ARHGAP15: variants seen among roughly 807,000 people sequenced by gnomAD.
ARHGAP15 encodes the protein rho GTPase-activating protein 15.
ARHGAP15 carries 51 observed loss-of-function variants against 63.7 expected under a neutral mutation model. The ratio of observed to expected loss-of-function variants is 0.80; its 90% CI spans 0.64 to 1.01. The LOEUF is 1.01. Among genes scored for constraint, ARHGAP15 ranks in the 50% least tolerant of loss-of-function variants. The probability of loss-of-function intolerance (pLI) is 0.00; values close to 1 mark genes in which losing one functional copy is unlikely to be tolerated. For missense variants in ARHGAP15, 560 were observed against 564.6 expected, an observed-to-expected ratio of 0.99 and a Z score of 0.08; for synonymous variants, 191 against 193.8, an observed-to-expected ratio of 0.99 and a Z score of 0.12.
intron 12 of ARHGAP15, among the ~76,000 whole-genome samples, chr2:143,675,727 G>A (rs1414839026): frequency 1.3e-5 from 2 of 152,160 alleles, no homozygotes; most frequent in African/African-American, 4.8e-5. Context: ...TCCAGGCTTT[G>A]TTGTTGAATT....
At chr2:143,671,979 T>C (rs1225670532) in intron 12 of ARHGAP15, among the ~76,000 whole-genome samples, 1 of 152,172 alleles carries the variant, frequency 6.6e-6, no homozygotes, top group Non-Finnish European at 1.5e-5. Context: ...TAATAGGAAC[T>C]TTACAGAAGG....
chr2:143,241,977 A>G (rs1693879842), intron 5 of ARHGAP15, among the ~76,000 whole-genome samples: 1 of 152,144 alleles, frequency 6.6e-6, no homozygotes, highest in Non-Finnish European at 1.5e-5. Context: ...CTGTGGGAGG[A>G]AGGGAGCAGA....
intron 11 of ARHGAP15, among the ~76,000 whole-genome samples, chr2:143,617,553 G>A (rs1285722810): frequency 2.0e-5 from 3 of 152,096 alleles, no homozygotes; most frequent in Non-Finnish European, 2.9e-5. Context: ...CATACATATT[G>A]GATGGGGACC....
chr2:143,271,962 C>T (rs947479532), intron 6 of ARHGAP15, among the ~76,000 whole-genome samples: 1 of 152,158 alleles, frequency 6.6e-6, no homozygotes, highest in Non-Finnish European at 1.5e-5. Context: ...GAATTTCAAA[C>T]AGTTTGTAGT....
chr2:143,492,215 G>T (rs539251435), intron 9 of ARHGAP15, among the ~76,000 whole-genome samples: 86 of 152,178 alleles, frequency 5.7e-4, no homozygotes, highest in Non-Finnish European at 1.1e-3. Flanking sequence ...GATACTTACA[G>T]TCAAATACAG....
intron 6 of ARHGAP15, among the ~76,000 whole-genome samples, chr2:143,310,966 G>A (rs1045283713): frequency 4.6e-5 from 7 of 151,942 alleles, no homozygotes; most frequent in African/African-American, 7.2e-5. Context: ...TCATGTTTAG[G>A]AAAACCTACA....
chr2:143,764,429 C>T, intron 13 of ARHGAP15, among the ~76,000 whole-genome samples: 1 of 152,138 alleles, frequency 6.6e-6, no homozygotes, highest in East Asian at 1.9e-4. Context: ...CCCTTTCAAA[C>T]TTCCTTGGTT....
At chr2:143,258,858 G>A (rs13004181) in intron 6 of ARHGAP15, among the ~76,000 whole-genome samples, 2 of 151,968 alleles carry the variant, frequency 1.3e-5, no homozygotes, top group Non-Finnish European at 1.5e-5. Flanking sequence ...TTGCATTTCC[G>A]GCACTGGGAG....
At chr2:143,399,545 G>A (rs1211939201) in intron 6 of ARHGAP15, among the ~76,000 whole-genome samples, 1 of 151,948 alleles carries the variant, frequency 6.6e-6, no homozygotes, top group Admixed American at 6.6e-5. Flanking sequence ...TTGGAAAAGG[G>A]CCTTGTAATG....
intron 6 of ARHGAP15, among the ~76,000 whole-genome samples, chr2:143,430,776 C>CAT (rs1689350650): frequency 6.6e-6 from 1 of 151,958 alleles, no homozygotes; most frequent in South Asian, 2.1e-4. Flanking sequence ...TCTCTCTAAA[C>CAT]ATAATAGCAA....
chr2:143,677,621 T>G (rs1682890860), intron 12 of ARHGAP15, among the ~76,000 whole-genome samples: 1 of 152,178 alleles, frequency 6.6e-6, no homozygotes, highest in African/African-American at 2.4e-5. Flanking sequence ...TTTAAATATT[T>G]GATGGATTTG....
chr2:143,709,952 C>T (rs992948446), intron 13 of ARHGAP15, among the ~76,000 whole-genome samples: 2 of 152,192 alleles, frequency 1.3e-5, no homozygotes, highest in East Asian at 1.9e-4. Context: ...TCTCTGCCTC[C>T]CATCCAGGCC....
intron 11 of ARHGAP15, among the ~76,000 whole-genome samples, chr2:143,572,792 C>T (rs1033080452): frequency 2.0e-5 from 3 of 152,162 alleles, no homozygotes; most frequent in Non-Finnish European, 4.4e-5. Flanking sequence ...GACCACTACT[C>T]TCACTGCTAA....
intron 12 of ARHGAP15, among the ~76,000 whole-genome samples, chr2:143,674,335 C>T (rs992278472): frequency 1.3e-5 from 2 of 151,996 alleles, no homozygotes; most frequent in African/African-American, 2.4e-5. Context: ...ATGGATGAAT[C>T]GTTAAAATTT....
chr2:143,575,679 C>T (rs1468136139), intron 11 of ARHGAP15, among the ~76,000 whole-genome samples: 2 of 152,104 alleles, frequency 1.3e-5, no homozygotes, highest in African/African-American at 4.8e-5. Flanking sequence ...CTTAGCGACA[C>T]ATTTTGTGCA....
chr2:143,411,798 T>C (rs1450983635), intron 6 of ARHGAP15, among the ~76,000 whole-genome samples: 35 of 152,174 alleles, frequency 2.3e-4, no homozygotes, highest in Non-Finnish European at 5.9e-5. Context: ...AAATCTATTA[T>C]AAGAAAAATC....
At chr2:143,224,259 C>T (rs1037856674) in intron 4 of ARHGAP15, among the ~76,000 whole-genome samples, 4 of 151,968 alleles carry the variant, frequency 2.6e-5, no homozygotes, top group African/African-American at 9.7e-5. Context: ...CTAAGAATAC[C>T]TTAATAACTA....
intron 5 of ARHGAP15, among the ~76,000 whole-genome samples, chr2:143,242,510 G>T (rs938649654): frequency 2.0e-5 from 3 of 152,200 alleles, no homozygotes; most frequent in African/African-American, 7.2e-5. Flanking sequence ...TACAATAGGT[G>T]CTCATTTCTT....
intron 11 of ARHGAP15, among the ~76,000 whole-genome samples, chr2:143,588,909 A>G (rs937767669): frequency 6.6e-6 from 1 of 152,172 alleles, no homozygotes; most frequent in African/African-American, 2.4e-5. Context: ...ACCAGCTGAC[A>G]GTTTCTCTGC....
Sources: allele counts gnomAD v4.1 joint callset (sites outside exome capture counted in the v4.1 genomes callset), GRCh38; gene constraint gnomAD v4.1.1; transcripts MANE v1.5; gene names NCBI Gene and HGNC (gene_info 2026-07-23, HGNC 2026-07-21).